CELF2: variants seen among roughly 807,000 people sequenced by gnomAD.
The protein encoded by CELF2 is CUGBP Elav-like family member 2, also known as CUG triplet repeat RNA-binding protein 2.
CELF2 carries 8 observed loss-of-function variants against 62.6 expected under a neutral mutation model. The observed-to-expected ratio is 0.13, with a 90% CI of 0.07 to 0.23. The LOEUF is 0.23. Among genes scored for constraint, CELF2 ranks in the 10% least tolerant of loss-of-function variants. CELF2 has a pLI of 1.00. For missense variants in CELF2, 333 were observed against 671.0 expected, an observed-to-expected ratio of 0.50 and a Z score of 5.56; for synonymous variants, 258 against 250.0, an observed-to-expected ratio of 1.03 and a Z score of -0.30.
intron 9 of CELF2, among the ~76,000 whole-genome samples, chr10:11,301,337 C>G (rs897808575): frequency 1.3e-5 from 2 of 150,956 alleles, no homozygotes; most frequent in Non-Finnish European, 3.0e-5. Context: ...CACTGGAGCC[C>G]CTATGCGGGC....
At chr10:11,040,957 G>C (rs181457180) in intron 1 of CELF2, among the ~76,000 whole-genome samples, 1 of 152,182 alleles carries the variant, frequency 6.6e-6, no homozygotes, top group Admixed American at 6.5e-5. Flanking sequence ...ACTTTGGTTG[G>C]GCTGCTATAA....
the CELF2 span, among the ~76,000 whole-genome samples, chr10:10,693,631 C>T: frequency 5.0e-4 from 75 of 151,344 alleles, no homozygotes; most frequent in Middle Eastern, 6.8e-3. Flanking sequence ...GCTGTGAATC[C>T]GTCTGGTCCT....
chr10:10,730,908 C>T, the CELF2 span, among the ~76,000 whole-genome samples: 2 of 152,208 alleles, frequency 1.3e-5, no homozygotes, highest in East Asian at 3.8e-4. Context: ...GCAGAGTCTA[C>T]TGGGAGCTTG....
At chr10:10,674,492 C>T in the CELF2 span, among the ~76,000 whole-genome samples, 1 of 152,288 alleles carries the variant, frequency 6.6e-6, no homozygotes, top group African/African-American at 2.4e-5. Context: ...GTTTTCATTG[C>T]TGCATTTAGA....
chr10:10,832,823 G>C (rs1051240140), intron 1 of CELF2, among the ~76,000 whole-genome samples: 1 of 152,090 alleles, frequency 6.6e-6, no homozygotes, highest in Non-Finnish European at 1.5e-5. Context: ...TGGAATCGGA[G>C]GGGAGAGAAG....
chr10:11,078,271 A>C (rs993721396), intron 1 of CELF2, among the ~76,000 whole-genome samples: 6 of 152,130 alleles, frequency 3.9e-5, no homozygotes, highest in Admixed American at 2.0e-4. Flanking sequence ...GAATGTATGC[A>C]ATGGGAAATC....
At chr10:10,832,946 T>C (rs2057991477) in intron 1 of CELF2, among the ~76,000 whole-genome samples, 1 of 151,998 alleles carries the variant, frequency 6.6e-6, no homozygotes, top group South Asian at 2.1e-4. Context: ...GTTTTAGAGC[T>C]CTGAATGCCA....
the CELF2 span, among the ~76,000 whole-genome samples, chr10:10,699,197 A>C: frequency 4.6e-5 from 7 of 152,332 alleles, no homozygotes; most frequent in South Asian, 6.2e-4. Flanking sequence ...GTGCATTCAT[A>C]TCTGTATATA....
chr10:11,279,198 A>G (rs997883237), intron 8 of CELF2, among the ~76,000 whole-genome samples: 14 of 152,202 alleles, frequency 9.2e-5, no homozygotes, highest in South Asian at 4.1e-4. Context: ...GATGAACGGG[A>G]GGAAACTGCT....
chr10:11,054,523 T>TG (rs2064777946), intron 1 of CELF2, among the ~76,000 whole-genome samples: 1 of 83,864 alleles, frequency 1.2e-5, no homozygotes, highest in African/African-American at 5.4e-5. Flanking sequence ...GTGTGTGTGT[T>TG]AATAGGACCG....
chr10:10,487,980 G>C, the CELF2 span, among the ~76,000 whole-genome samples: 1 of 151,990 alleles, frequency 6.6e-6, no homozygotes, highest in Admixed American at 6.6e-5. Context: ...TTACATGATT[G>C]TTACATAAAA....
At chr10:10,893,018 G>T (rs1564780339) in intron 1 of CELF2, among the ~76,000 whole-genome samples, 1 of 152,070 alleles carries the variant, frequency 6.6e-6, no homozygotes, top group Non-Finnish European at 1.5e-5. Flanking sequence ...TTCTCTTATT[G>T]CATCCTTCTT....
chr10:10,800,633 T>G (rs973210217), intron 1 of CELF2, among the ~76,000 whole-genome samples: 1 of 152,194 alleles, frequency 6.6e-6, no homozygotes, highest in Non-Finnish European at 1.5e-5. Flanking sequence ...TTCCACTCCT[T>G]AATTTGTACT....
chr10:10,724,719 G>T, the CELF2 span, among the ~76,000 whole-genome samples: 1 of 151,610 alleles, frequency 6.6e-6, no homozygotes, highest in South Asian at 2.1e-4. Flanking sequence ...ATGTGGGTGT[G>T]GTCAGTTACA....
rs144540480 is a variant in CELF2, at chr10:10,993,119, T to C, written c.89+73120T>C. On this transcript the variant is annotated intron_variant, in intron 2 of 13. Transcript: ENST00000636488. This position sits in a 1 kb window ranked among gnomAD's most constrained non-coding sequence, Gnocchi z 5.3. ...AGAACAATTGCAGGGCCAGCTGCTG[T>C]TTCCCACCGAAGAGGCGAGTCAGCA... 1.1e-3 allele frequency among the ~76,000 whole-genome samples: 172 copies of C among 152,230 alleles called. 1 individual carries two copies. The highest frequency in any genetic ancestry group is 4.0e-3 in the African/African-American group (166 of 41,554).
the CELF2 span, among the ~76,000 whole-genome samples, chr10:10,509,908 A>G: frequency 6.6e-6 from 1 of 152,214 alleles, no homozygotes; most frequent in Non-Finnish European, 1.5e-5. Context: ...CATGAGTCAG[A>G]GATGGAGGGG....
chr10:11,288,360 T>G, intron 8 of CELF2, 58 bp from the exon 9 acceptor site: 2 of 1,593,944 alleles, frequency 1.3e-6, no homozygotes, highest in Non-Finnish European at 1.7e-6. Flanking sequence ...TGCTCTTGTT[T>G]GGAAACTGTA....
intron 2 of CELF2, among the ~76,000 whole-genome samples, chr10:10,951,221 G>A (rs1426146355): frequency 7.9e-5 from 12 of 152,142 alleles, no homozygotes; most frequent in Admixed American, 7.9e-4. Flanking sequence ...ATAGTTCTCA[G>A]CAGCCTCGAC....
intron 2 of CELF2, among the ~76,000 whole-genome samples, chr10:11,199,258 G>A (rs924578372): frequency 4.6e-5 from 7 of 152,154 alleles, no homozygotes; most frequent in African/African-American, 1.7e-4. Flanking sequence ...TTGTTTCTGC[G>A]ATGTTATCTT....
Sources: allele counts gnomAD v4.1 joint callset (sites outside exome capture counted in the v4.1 genomes callset), GRCh38; gene constraint gnomAD v4.1.1; non-coding constraint Gnocchi (gnomAD v3.1); transcripts MANE v1.5; gene names NCBI Gene and HGNC (gene_info 2026-07-23, HGNC 2026-07-21).